CTNNA3: variants seen among roughly 807,000 people sequenced by gnomAD.
The protein encoded by CTNNA3 is catenin alpha 3, also known as catenin alpha-3.
Under a neutral mutation model 95.7 loss-of-function variants are expected in CTNNA3, and 76 were observed. That is an observed-to-expected ratio of 0.79 (90% CI 0.66 to 0.96). The LOEUF is 0.96. Ranked by LOEUF, CTNNA3 falls within the 40% of genes least tolerant of loss-of-function variation. The probability of loss-of-function intolerance (pLI) is 0.00; values close to 1 mark genes in which losing one functional copy is unlikely to be tolerated. For synonymous variants in CTNNA3, 431 were observed against 374.4 expected, an observed-to-expected ratio of 1.15 and a Z score of -1.74; for missense variants, 1,191 against 1,089.8, an observed-to-expected ratio of 1.09 and a Z score of -1.31.
At chr10:66,786,569 G>A (rs1840754601) in intron 7 of CTNNA3, among the ~76,000 whole-genome samples, 1 of 152,130 alleles carries the variant, frequency 6.6e-6, no homozygotes. Context: ...AAGACTGAAG[G>A]TAACTAGAAA....
chr10:65,999,716 G>A (rs2078733303), intron 15 of CTNNA3, among the ~76,000 whole-genome samples: 1 of 152,124 alleles, frequency 6.6e-6, no homozygotes, highest in South Asian at 2.1e-4. Flanking sequence ...ATGTAATGAA[G>A]GCTTTTTAAA....
At position 66,273,902 on chromosome 10, in the gene CTNNA3, T is replaced by C. The variant is rs73317862; in HGVS notation, c.1884+6568A>G. The stretch of plus-strand genomic sequence containing the variant: ...ACAGCCTGGGACCCTAGACTGTGAA[T>C]AGAAAGGGTTAGCAGAAGTCATTCT... On this transcript the variant is annotated intron_variant, in intron 13 of 17. Coordinates refer to ENST00000433211, the MANE Select transcript of CTNNA3 (RefSeq NM_013266.4). Among the ~76,000 whole-genome samples, 1,110 of 151,042 alleles carry C rather than the reference T, an allele frequency of 7.3e-3. 18 individuals carry two copies. Among genetic ancestry groups the C allele is most frequent in the African/African-American group, 0.025 (1,048 of 41,184 alleles).
At chr10:66,182,920 C>T (rs780688030) in intron 13 of CTNNA3, among the ~76,000 whole-genome samples, 14 of 152,134 alleles carry the variant, frequency 9.2e-5, no homozygotes, top group Non-Finnish European at 1.5e-4. Context: ...ATTAAATGTG[C>T]GTTTTCTTTA....
intron 12 of CTNNA3, among the ~76,000 whole-genome samples, chr10:66,326,281 A>G (rs1045201325): frequency 1.3e-5 from 2 of 152,136 alleles, no homozygotes; most frequent in Non-Finnish European, 2.9e-5. Flanking sequence ...TCACTCTTAC[A>G]ATGCTCTCAT....
intron 7 of CTNNA3, among the ~76,000 whole-genome samples, chr10:66,906,080 T>C (rs1478450961): frequency 6.6e-6 from 1 of 152,192 alleles, no homozygotes; most frequent in Non-Finnish European, 1.5e-5. Context: ...TTACAATCTC[T>C]GTTGAACAAA....
At chr10:66,146,185 T>C (rs1395103303) in intron 13 of CTNNA3, among the ~76,000 whole-genome samples, 1 of 152,146 alleles carries the variant, frequency 6.6e-6, no homozygotes, top group Non-Finnish European at 1.5e-5. Context: ...CTTTATACTA[T>C]GAGGTGAAAA....
intron 1 of CTNNA3, among the ~76,000 whole-genome samples, chr10:67,704,152 C>A (rs888684685): frequency 6.6e-6 from 1 of 152,200 alleles, no homozygotes; most frequent in African/African-American, 2.4e-5. Context: ...GAAGAACATT[C>A]CATGCTCATG....
intron 10 of CTNNA3, among the ~76,000 whole-genome samples, chr10:66,521,454 G>C (rs1276153584): frequency 6.6e-6 from 1 of 151,918 alleles, no homozygotes; most frequent in Non-Finnish European, 1.5e-5. Context: ...TAAACAAAAA[G>C]AAATCAGAAA....
At chr10:66,369,458 A>T (rs917747521) in intron 12 of CTNNA3, among the ~76,000 whole-genome samples, 1 of 152,046 alleles carries the variant, frequency 6.6e-6, no homozygotes, top group East Asian at 1.9e-4. Context: ...CCTTTAGTCA[A>T]GCAATCTTTC....
intron 5 of CTNNA3, among the ~76,000 whole-genome samples, chr10:67,223,420 T>A (rs369206661): frequency 6.6e-6 from 1 of 152,322 alleles, no homozygotes; most frequent in African/African-American, 2.4e-5. Flanking sequence ...ATCAGGGATT[T>A]CTTTGGATGG....
chr10:67,189,343 T>C (rs12766375), intron 6 of CTNNA3, among the ~76,000 whole-genome samples: 9 of 152,024 alleles, frequency 5.9e-5, no homozygotes, highest in Non-Finnish European at 1.5e-5. Flanking sequence ...ATTCAGGAGA[T>C]GCTGGTCAAA....
chr10:66,558,194 G>C (rs1842448633), intron 10 of CTNNA3, among the ~76,000 whole-genome samples: 1 of 152,090 alleles, frequency 6.6e-6, no homozygotes, highest in Non-Finnish European at 1.5e-5. Flanking sequence ...AGGTTTCTGG[G>C]CTTGACCTCC....
intron 1 of CTNNA3, among the ~76,000 whole-genome samples, chr10:67,745,874 G>A (rs1169082032): frequency 6.6e-6 from 1 of 151,962 alleles, no homozygotes; most frequent in Non-Finnish European, 1.5e-5. Context: ...CCAAGGAAGT[G>A]AAAGATTTAT....
rs1369212994 is a variant in CTNNA3, at chr10:67,613,848, G to A, written c.100-6799C>T. On this transcript the variant is annotated intron_variant, in intron 2 of 17. Coordinates refer to ENST00000433211, the MANE Select transcript of CTNNA3 (RefSeq NM_013266.4). ...TTTTATGGAAGACAACTTTTCCACA[G>A]ACCCAGGGGTGGAGTGGGGGTAGAC... Among the ~76,000 whole-genome samples, 3 of 152,124 alleles carry A rather than the reference G, an allele frequency of 2.0e-5. No individual in the cohort carries two copies. The East Asian group carries it at 5.8e-4, about 29-fold the overall frequency.
At chr10:66,986,172 A>G (rs1392194212) in intron 7 of CTNNA3, among the ~76,000 whole-genome samples, 2 of 152,130 alleles carry the variant, frequency 1.3e-5, no homozygotes, top group Non-Finnish European at 2.9e-5. Context: ...GTGCCTGTAT[A>G]CTTTAGATAT....
At chr10:66,059,700 A>G (rs577928919) in intron 15 of CTNNA3, among the ~76,000 whole-genome samples, 2 of 152,202 alleles carry the variant, frequency 1.3e-5, no homozygotes, top group East Asian at 3.9e-4. Context: ...GACAGTACCT[A>G]ATATTCAGCA....
At chr10:66,766,101 T>C in intron 9 of CTNNA3, 163 bp downstream of exon 9, 1 of 592,872 alleles carries the variant, frequency 1.7e-6, no homozygotes, top group Admixed American at 2.8e-5. Context: ...TGTGGAGTGA[T>C]CTATACAATC....
intron 7 of CTNNA3, among the ~76,000 whole-genome samples, chr10:66,986,493 T>C (rs1850734697): frequency 1.0e-5 from 1 of 99,708 alleles, no homozygotes; most frequent in Admixed American, 9.7e-5. Context: ...CAAGACTCCA[T>C]CTTGCTAAAC....
intron 5 of CTNNA3, among the ~76,000 whole-genome samples, chr10:67,255,970 G>T (rs920274548): frequency 4.0e-5 from 6 of 150,912 alleles, no homozygotes; most frequent in African/African-American, 1.5e-4. Context: ...CACCACCAGA[G>T]AAATAATCAC....
Sources: gnomAD v4.1 joint callset for allele counts (sites outside exome capture counted in the v4.1 genomes callset) on GRCh38, gnomAD v4.1.1 for gene constraint, MANE v1.5 for transcripts, NCBI Gene and HGNC (gene_info 2026-07-23, HGNC 2026-07-21) for gene names.